COL14A1: variants seen among roughly 807,000 people sequenced by gnomAD.
COL14A1 encodes the protein collagen type XIV alpha 1 chain, also known as collagen alpha-1(XIV) chain.
COL14A1 carries 136 observed loss-of-function variants against 230.3 expected under a neutral mutation model. The observed-to-expected ratio is 0.59, with a 90% confidence interval of 0.51 to 0.68. The LOEUF is 0.68. Ranked by LOEUF, COL14A1 falls within the 30% of genes least tolerant of loss-of-function variation. COL14A1 has a pLI of 0.00. For synonymous variants in COL14A1, 792 were observed against 784.1 expected (o/e 1.01, Z -0.17); for missense variants, 1,976 against 2,215.8 (o/e 0.89, Z 2.17).
chr8:120,287,416 T>A (rs1250763074), intron 33 of COL14A1, among the ~76,000 whole-genome samples: 1 of 152,006 alleles, frequency 6.6e-6, no homozygotes, highest in East Asian at 1.9e-4. Flanking sequence ...TTATGGAGAG[T>A]GTATTGCAAA....
At chr8:120,195,620 C>A (rs138248025) in intron 5 of COL14A1, among the ~76,000 whole-genome samples, 4 of 152,070 alleles carry the variant, frequency 2.6e-5, no homozygotes, top group African/African-American at 9.7e-5. Flanking sequence ...ACAATCATGG[C>A]GAAAGACAAA....
At chr8:120,200,704 A>G (rs1447757759) in intron 8 of COL14A1, among the ~76,000 whole-genome samples, 1 of 124,396 alleles carries the variant, frequency 8.0e-6, no homozygotes, top group Non-Finnish European at 1.7e-5. Flanking sequence ...GATCCTAAAA[A>G]GTTTTCCTAT....
chr8:120,291,256 C>T (rs1329796905), intron 34 of COL14A1, among the ~76,000 whole-genome samples: 2 of 151,918 alleles, frequency 1.3e-5, no homozygotes, highest in Non-Finnish European at 2.9e-5. Context: ...AATGAATAGA[C>T]TCTAATTTAA....
At chr8:120,328,163 A>G (rs1821747049) in intron 40 of COL14A1, among the ~76,000 whole-genome samples, 1 of 152,238 alleles carries the variant, frequency 6.6e-6, no homozygotes, top group Non-Finnish European at 1.5e-5. Context: ...AAGAAGAGAA[A>G]GAAGAAATTC....
chr8:120,266,069 T>C (rs1304897125), intron 24 of COL14A1, among the ~76,000 whole-genome samples: 2 of 152,048 alleles, frequency 1.3e-5, no homozygotes, highest in African/African-American at 4.8e-5. Flanking sequence ...TTTTCTTAAA[T>C]CTTTAGTGTC....
rs1822467616 is a variant in COL14A1 at position 120,345,414 on chromosome 8, C to A, written c.4928C>A (p.Pro1643His). The A allele has an allele frequency of 5.6e-6, 9 of 1,597,848 alleles. No individual in the cohort carries two copies. Among genetic ancestry groups the A allele is most frequent in the Non-Finnish European group, 7.7e-6 (9 of 1,173,186 alleles). ...ARYTAILNQI[P>H]SHSSSIRTVQ... ...TACACTGCCATCCTCAACCAGATTC[C>A]CAGCCACTCCTCATCCATCCGGACT... Residue 1643 changes from proline to histidine, a missense_variant, in exon 45 of 48, where the codon CCC becomes CAC. By Grantham distance (77) the Pro-to-His change is moderately conservative. Around this residue, in one of 3 missense-constraint regions of COL14A1, gnomAD observed 1,791 missense variants for 2,019.5 expected, o/e 0.89. Transcript: ENST00000297848.
intron 25 of COL14A1, among the ~76,000 whole-genome samples, chr8:120,267,367 T>C (rs770636223): frequency 1.8e-4 from 28 of 152,010 alleles, no homozygotes; most frequent in African/African-American, 7.2e-5. Flanking sequence ...GAACATTTAT[T>C]AATCCTGCTA....
chr8:120,324,400 C>T (rs1357766785), intron 40 of COL14A1, among the ~76,000 whole-genome samples: 3 of 152,024 alleles, frequency 2.0e-5, no homozygotes, highest in African/African-American at 4.8e-5. Context: ...GGATTGATCC[C>T]GGATCTGTAG....
rs35121765 is a variant in COL14A1 at position 120,136,385 on chromosome 8, C to CATAT, written c.-38+11057_-38+11060dup. ...ATTACACGCACACACACACACACTA[C>CATAT]ATATATATATATATAAAATCTCATG... On this transcript the variant is annotated intron_variant, in intron 1 of 47. Transcript: ENST00000297848. Among the ~76,000 whole-genome samples the CATAT allele has an allele frequency of 4.8e-3, 724 of 149,280 alleles. 2 individuals carry two copies. The highest frequency in any genetic ancestry group is 0.01 in the African/African-American group (421 of 40,734).
intron 12 of COL14A1, among the ~76,000 whole-genome samples, chr8:120,210,438 T>C (rs1378400214): frequency 6.6e-6 from 1 of 152,218 alleles, no homozygotes; most frequent in Non-Finnish European, 1.5e-5. Flanking sequence ...AGAAATGTTA[T>C]ATGTTTTGCT....
At chr8:120,210,924 A>G (rs1817598727) in intron 12 of COL14A1, among the ~76,000 whole-genome samples, 1 of 152,136 alleles carries the variant, frequency 6.6e-6, no homozygotes, top group South Asian at 2.1e-4. Context: ...CAAAAGAGAG[A>G]CTTACAAATA....
chr8:120,201,172 CT>C (rs1817236890), intron 8 of COL14A1, among the ~76,000 whole-genome samples: 1 of 151,974 alleles, frequency 6.6e-6, no homozygotes, highest in Non-Finnish European at 1.5e-5. Flanking sequence ...GCCATTACTG[CT>C]ACATTTTTCA....
At chr8:120,276,841 A>AT (rs1819869623) in intron 26 of COL14A1, among the ~76,000 whole-genome samples, 1 of 151,654 alleles carries the variant, frequency 6.6e-6, no homozygotes, top group Non-Finnish European at 1.5e-5. Flanking sequence ...TAATAATAAA[A>AT]AAAAATAAAA....
Position 120,160,245 on chromosome 8 carries a change from G to C in COL14A1, c.205+1999G>C, listed in dbSNP as rs1815619313. 2.6e-5 allele frequency among the ~76,000 whole-genome samples: 4 copies of C among 152,038 alleles called. 1 individual carries two copies. The South Asian group carries it at 8.3e-4, about 32-fold the overall frequency. On this transcript the variant is annotated intron_variant, in intron 3 of 47. Transcript: ENST00000297848. ...GGAAATTTAAATTTAAAAGATTCTT[G>C]AAGATTTATGATTCTAAAGGTCAAA...
chr8:120,201,927 A>T (rs1191593520), intron 8 of COL14A1, among the ~76,000 whole-genome samples: 1 of 152,068 alleles, frequency 6.6e-6, no homozygotes, highest in African/African-American at 2.4e-5. Context: ...AATTGGGCCT[A>T]TTTTTCCCAG....
At chr8:120,256,590 G>A (rs1035404589) in intron 23 of COL14A1, among the ~76,000 whole-genome samples, 2 of 152,100 alleles carry the variant, frequency 1.3e-5, no homozygotes, top group African/African-American at 4.8e-5. Context: ...GTATTAACCT[G>A]GAACAAACAT....
At chr8:120,190,673 C>A (rs564402801) in intron 5 of COL14A1, among the ~76,000 whole-genome samples, 1 of 152,180 alleles carries the variant, frequency 6.6e-6, no homozygotes, top group African/African-American at 2.4e-5. Context: ...CCATCTGGTC[C>A]TGGACTCTTT....
In COL14A1 at chr8:120,370,259, A is replaced by G. The variant is rs541179491; in HGVS notation, c.5311+774A>G. The G allele has an allele frequency of 2.8e-5, 41 of 1,468,872 alleles. No individual in the cohort carries two copies. The South Asian group carries it at 4.7e-4, about 17-fold the overall frequency. The allele number at this position is 1,468,872 out of a possible 1,614,324, so 91.0% of individuals were successfully genotyped here. On this transcript the variant is annotated intron_variant, in intron 47 of 47. Transcript: ENST00000297848. ...CCTTAGTTATCACAGGAATTGGTCA[A>G]CAAAGTTTTGCTGATGTGTTTTTCT...
At chr8:120,286,879 A>G (rs935310739) in intron 33 of COL14A1, among the ~76,000 whole-genome samples, 1 of 152,192 alleles carries the variant, frequency 6.6e-6, no homozygotes, top group Non-Finnish European at 1.5e-5. Flanking sequence ...TCTCAGAAAC[A>G]CTTACCTGTG....
Sources: gnomAD v4.1 joint callset for allele counts (sites outside exome capture counted in the v4.1 genomes callset) on GRCh38, gnomAD v4.1.1 for gene constraint, gnomAD v4.1.1 regional missense constraint, MANE v1.5 for transcripts, NCBI Gene and HGNC (gene_info 2026-07-23, HGNC 2026-07-21) for gene names.